TRMT44: variants seen among roughly 807,000 people sequenced by gnomAD.
TRMT44 encodes tRNA methyltransferase 44 homolog.
Under a neutral mutation model 77.3 loss-of-function variants are expected in TRMT44, and 78 were observed. That is an observed-to-expected ratio of 1.01 (90% CI 0.84 to 1.22). The LOEUF is 1.22. Ranked by LOEUF, TRMT44 falls within the 50% of genes most tolerant of loss-of-function variation. The probability of loss-of-function intolerance (pLI) is 0.00; values close to 1 mark genes in which losing one functional copy is unlikely to be tolerated. For missense variants in TRMT44, 1,090 were observed against 964.4 expected, an observed-to-expected ratio of 1.13 and a Z score of -1.73; for synonymous variants, 391 against 383.3, an observed-to-expected ratio of 1.02 and a Z score of -0.23.
chr4:8,461,087 G>C lies in TRMT44; in HGVS notation c.1204-2898G>C, dbSNP rs895046574. Among the ~76,000 whole-genome samples the C allele has an allele frequency of 6.6e-6, 1 of 152,186 alleles. No individual in the cohort carries two copies. The highest frequency in any genetic ancestry group is 1.9e-4 in the East Asian group (1 of 5,174). The stretch of plus-strand genomic sequence containing the variant: ...GCTGGTCTCAAACTCTGGGGCTCAA[G>C]TGATCCTCCCACCTCGGCCTCCCAC... On this transcript the variant is annotated intron_variant, in intron 6 of 10. Transcript: ENST00000389737. The surrounding 1 kb of genome is among the most constrained non-coding windows in gnomAD (Gnocchi z 4.6).
chr4:8,465,282 G>T, intron 7 of TRMT44, 96 bp from the exon 8 acceptor site: 1 of 1,132,940 alleles, frequency 8.8e-7, no homozygotes, highest in Non-Finnish European at 1.3e-6. Context: ...TCCCTATTTT[G>T]CCCTGATATG....
chr4:8,487,174 A>G (rs1727836788), intron 2 of TRMT44, among the ~76,000 whole-genome samples: 1 of 152,144 alleles, frequency 6.6e-6, no homozygotes, highest in Non-Finnish European at 1.5e-5. Flanking sequence ...GCTATTTGGA[A>G]CTACTGTCGA....
intron 2 of TRMT44, among the ~76,000 whole-genome samples, chr4:8,485,601 G>A (rs1175356739): frequency 6.6e-6 from 1 of 152,098 alleles, no homozygotes; most frequent in Admixed American, 6.5e-5. Flanking sequence ...GGAAGGAGTA[G>A]AGATGTCCCA....
chr4:8,459,049 A>T (rs1725987676), intron 6 of TRMT44, among the ~76,000 whole-genome samples: 1 of 152,084 alleles, frequency 6.6e-6, no homozygotes. Context: ...AAAAAAAAAA[A>T]AAATTAGCTG....
At chr4:8,500,736 C>T in the TRMT44 span, among the ~76,000 whole-genome samples, 3 of 151,670 alleles carry the variant, frequency 2.0e-5, no homozygotes, top group East Asian at 3.9e-4. Context: ...TGATTCACTA[C>T]AACTTCCACC....
rs937594698 is a variant in TRMT44, at chr4:8,454,327, G to C, written c.1132-415G>C. ...CTTCTTACCTGCCTTGCAGGGGTGT[G>C]GGTATCTGTTTTAGACAGCTGAGAA... On this transcript the variant is annotated intron_variant, in intron 5 of 10. Coordinates refer to ENST00000389737, the MANE Select transcript of TRMT44 (RefSeq NM_152544.3). The C allele has an allele frequency of 2.7e-5, 5 of 182,396 alleles. No individual in the cohort carries two copies. The East Asian group carries it at 3.9e-4, about 14-fold the overall frequency. The allele number at this position is 182,396 out of a possible 1,614,324, so 11.3% of individuals were successfully genotyped here.
chr4:8,479,455 G>C (rs527750777), downstream of TRMT44: 1 of 152,204 alleles, frequency 6.6e-6, no homozygotes, highest in African/African-American at 2.4e-5. Flanking sequence ...TGGGGGACGG[G>C]ATGGCCTGTT....
At chr4:8,454,911 C>A in intron 6 of TRMT44, 98 bp downstream of exon 6, 4 of 1,072,282 alleles carry the variant, frequency 3.7e-6, no homozygotes, top group Non-Finnish European at 4.3e-6. Context: ...GTCAAGCAGA[C>A]ATGCTGATAG....
At chr4:8,487,603 A>T (rs1256022416) in intron 2 of TRMT44, among the ~76,000 whole-genome samples, 1 of 149,556 alleles carries the variant, frequency 6.7e-6, no homozygotes, top group East Asian at 2.0e-4. Flanking sequence ...GAAATAAGGG[A>T]TTGGGGTACA....
chr4:8,491,013 T>C (rs1242890325), intron 2 of TRMT44, among the ~76,000 whole-genome samples: 4 of 151,910 alleles, frequency 2.6e-5, no homozygotes, highest in Non-Finnish European at 5.9e-5. Flanking sequence ...AACCTTGAGC[T>C]AAACACAGGA....
intron 2 of TRMT44, among the ~76,000 whole-genome samples, chr4:8,487,393 C>T (rs1727843191): frequency 6.6e-6 from 1 of 151,918 alleles, no homozygotes; most frequent in Non-Finnish European, 1.5e-5. Flanking sequence ...GGGTTCTTAC[C>T]CTCCAGAAAA....
At chr4:8,442,745 T>C (rs563435251) in intron 1 of TRMT44, among the ~76,000 whole-genome samples, 12 of 152,340 alleles carry the variant, frequency 7.9e-5, no homozygotes, top group African/African-American at 2.9e-4. Flanking sequence ...GGCTTCTTTC[T>C]GGTTCTTTCA....
In TRMT44 at chr4:8,463,955, A is replaced by C. The variant is rs1412628978; in HGVS notation, c.1204-30A>C. Reference sequence around the variant, plus strand: ...CAGTAGCTCTACAATGATTCACAAAACATTTCGTCTTGTTTTGTTATTCCT... The same window carrying C: ...CAGTAGCTCTACAATGATTCACAAACCATTTCGTCTTGTTTTGTTATTCCT... On this transcript the variant is annotated intron_variant, in intron 6 of 10. Transcript: ENST00000389737. 1.9e-6 allele frequency: 3 copies of C among 1,589,700 alleles called. No homozygotes were observed. The South Asian group carries it at 3.3e-5, about 18-fold the overall frequency.
the TRMT44 span, among the ~76,000 whole-genome samples, chr4:8,511,346 A>G: frequency 0.05 from 7,628 of 152,258 alleles, 312 homozygotes; most frequent in African/African-American, 0.11. Flanking sequence ...GGTGGTCTGC[A>G]CTTGCAGTTT....
chr4:8,513,624 C>T, the TRMT44 span, among the ~76,000 whole-genome samples: 2 of 152,186 alleles, frequency 1.3e-5, no homozygotes, highest in Admixed American at 6.5e-5. Context: ...AAGATTTTAA[C>T]AGTACATAGA....
intron 9 of TRMT44, 108 bp from the exon 10 acceptor site, chr4:8,470,976 A>C: frequency 1.4e-6 from 1 of 733,138 alleles, no homozygotes; most frequent in South Asian, 1.7e-5. Context: ...GCTGGAGTGC[A>C]TAACGCGTGT....
intron 10 of TRMT44, among the ~76,000 whole-genome samples, chr4:8,474,030 G>A (rs1234681991): frequency 2.0e-5 from 3 of 152,238 alleles, no homozygotes; most frequent in Non-Finnish European, 2.9e-5. Context: ...CTTAACTCCG[G>A]AGCCGCGTGG....
chr4:8,476,153 CAT>C lies in TRMT44; in HGVS notation c.*154_*155del. ...ATCCTCACAGTGATGAACCGTATTT[CAT>C]AAACATCACACGCCAGAGAAGCCAC... On this transcript the variant is annotated 3_prime_UTR_variant, in exon 11 of 11. Transcript: ENST00000389737. The C allele has an allele frequency of 2.9e-6, 2 of 695,822 alleles. No individual in the cohort carries two copies. Among genetic ancestry groups the C allele is most frequent in the South Asian group, 3.7e-5 (2 of 53,536 alleles). 43.1% of individuals were successfully genotyped at this position (695,822 alleles called of 1,614,324 possible).
At chr4:8,512,404 T>G in the TRMT44 span, 1 of 152,242 alleles carries the variant, frequency 6.6e-6, no homozygotes. Flanking sequence ...TTTGTTATTC[T>G]ATGTATTTCA....
Sources: allele counts gnomAD v4.1 joint callset (sites outside exome capture counted in the v4.1 genomes callset), GRCh38; gene constraint gnomAD v4.1.1; non-coding constraint Gnocchi (gnomAD v3.1); transcripts MANE v1.5; gene names NCBI Gene and HGNC (gene_info 2026-07-23, HGNC 2026-07-21).